Variants in TMED3 observed in about 807,000 individuals in gnomAD.
The protein encoded by TMED3 is transmembrane p24 trafficking protein 3, also known as transmembrane emp24 domain-containing protein 3.
In TMED3, 9 loss-of-function variants were observed where a neutral mutation model predicts 15.0. That is an observed-to-expected ratio of 0.60 (90% CI 0.36 to 1.04). TMED3 has a LOEUF of 1.04. Ranked by LOEUF, TMED3 falls within the 50% of genes least tolerant of loss-of-function variation. TMED3 has a pLI of 0.01. For missense variants in TMED3, 267 were observed against 278.9 expected, an observed-to-expected ratio of 0.96 and a Z score of 0.30; for synonymous variants, 117 against 121.4, an observed-to-expected ratio of 0.96 and a Z score of 0.24.
intron 2 of TMED3, among the ~76,000 whole-genome samples, chr15:79,369,091 CT>C (rs1196723756): frequency 3.0e-5 from 4 of 134,228 alleles, no homozygotes; most frequent in African/African-American, 1.2e-4. Flanking sequence ...GAGACTCTGT[CT>C]TAAAAAAAAA....
intron 2 of TMED3, among the ~76,000 whole-genome samples, chr15:79,397,407 C>T (rs544634995): frequency 8.5e-5 from 13 of 152,060 alleles, no homozygotes; most frequent in African/African-American, 2.4e-4. Flanking sequence ...CATGGAAAGA[C>T]GACAAACAGA....
intron 2 of TMED3, among the ~76,000 whole-genome samples, chr15:79,398,063 A>G (rs929859698): frequency 6.6e-6 from 1 of 152,210 alleles, no homozygotes; most frequent in Non-Finnish European, 1.5e-5. Context: ...GGACAAATGC[A>G]TAATGACATG....
Position 79,322,815 on chromosome 15 carries a change from G to T in TMED3, c.*601G>T, listed in dbSNP as rs368305819. 136 of 985,522 alleles carry T rather than the reference G, an allele frequency of 1.4e-4. No individual in the cohort carries two copies. In the African/African-American group the frequency reaches 2.2e-3, roughly 16 times the overall value. 61.0% of individuals were successfully genotyped at this position (985,522 alleles called of 1,614,324 possible). Reference sequence around the variant, plus strand: ...AGGTAGAAAACTGTGGGAAACTGTGGCTAATAAAAACTAAGTGTGAGCGTC... The same window carrying T: ...AGGTAGAAAACTGTGGGAAACTGTGTCTAATAAAAACTAAGTGTGAGCGTC... On this transcript the variant is annotated 3_prime_UTR_variant, in exon 3 of 3. Coordinates refer to ENST00000299705, the MANE Select transcript of TMED3 (RefSeq NM_007364.4).
chr15:79,361,187 A>T (rs1323832771), intron 2 of TMED3, among the ~76,000 whole-genome samples: 1 of 152,162 alleles, frequency 6.6e-6, no homozygotes. Flanking sequence ...TTTTTAACCA[A>T]TTCCAAGTGT....
At chr15:79,407,787 G>A (rs1478532663) in intron 2 of TMED3, among the ~76,000 whole-genome samples, 2 of 152,146 alleles carry the variant, frequency 1.3e-5, no homozygotes, top group Non-Finnish European at 2.9e-5. Context: ...GACAGGAAAC[G>A]TTTGCTCACG....
intron 2 of TMED3, chr15:79,383,217 C>A: frequency 1.7e-6 from 1 of 572,474 alleles, no homozygotes; most frequent in Non-Finnish European, 3.1e-6. Flanking sequence ...CTTCAGGGAC[C>A]ATCCAGCTAC....
intron 2 of TMED3, among the ~76,000 whole-genome samples, chr15:79,341,218 A>AAC (rs1555422370): frequency 1.5e-5 from 1 of 68,698 alleles, no homozygotes; most frequent in Non-Finnish European, 2.6e-5. Context: ...AAAAAAAAAA[A>AAC]GGTGAAGAAA....
intron 2 of TMED3, among the ~76,000 whole-genome samples, chr15:79,382,775 A>G (rs1421243216): frequency 6.6e-6 from 1 of 151,678 alleles, no homozygotes; most frequent in Admixed American, 6.6e-5. Flanking sequence ...CCTTCCTGCC[A>G]CTCCTCATCC....
downstream of TMED3, among the ~76,000 whole-genome samples, chr15:79,324,407 C>T (rs1422429604): frequency 6.6e-6 from 1 of 152,092 alleles, no homozygotes; most frequent in African/African-American, 2.4e-5. Context: ...TAATTTCAAA[C>T]AGAGTAATAC....
intron 2 of TMED3, among the ~76,000 whole-genome samples, chr15:79,346,294 C>T (rs956715987): frequency 3.3e-5 from 5 of 151,956 alleles, no homozygotes; most frequent in African/African-American, 4.8e-5. Flanking sequence ...ACTTTGTGTC[C>T]CCACCCAAAT....
At chr15:79,330,726 C>T (rs563586489) in intron 2 of TMED3, among the ~76,000 whole-genome samples, 10 of 152,132 alleles carry the variant, frequency 6.6e-5, no homozygotes, top group Non-Finnish European at 1.3e-4. Flanking sequence ...ATAGCCAACA[C>T]AATCCTGAGC....
intron 2 of TMED3, among the ~76,000 whole-genome samples, chr15:79,377,640 CG>C (rs1893450346): frequency 6.7e-6 from 1 of 148,948 alleles, no homozygotes; most frequent in African/African-American, 2.5e-5. Flanking sequence ...ATGAACAAAC[CG>C]TTCTTTTTTT....
intron 2 of TMED3, among the ~76,000 whole-genome samples, chr15:79,362,043 T>C (rs966356594): frequency 6.6e-6 from 1 of 152,114 alleles, no homozygotes; most frequent in Non-Finnish European, 1.5e-5. Context: ...TTGAAAGACA[T>C]TTTAGTTCCT....
chr15:79,412,952 GCCTAGCTTTGGCTC>G (rs2141262399), exon 3 of TMED3: 1 of 152,306 alleles, frequency 6.6e-6, no homozygotes, highest in East Asian at 1.9e-4. Flanking sequence ...GGAGTTGGAA[GCCTAGCTTTGGCTC>G]CCTGAAATTT....
chr15:79,383,077 G>A lies in TMED3; in HGVS notation c.418-28323G>A, dbSNP rs10163182. The stretch of plus-strand genomic sequence containing the variant: ...GTTTACCTCCTGTGCATGCTCCACG[G>A]GACATGGCTCTTTGCCTGTAGATCG... On this transcript the variant is annotated intron_variant, in intron 2 of 2. Transcript: ENST00000424155. The A allele has an allele frequency of 7.9e-3, 11,896 of 1,512,144 alleles. 556 individuals carry two copies. The African/African-American group carries it at 0.12, about 15-fold the overall frequency. The allele number at this position is 1,512,144 out of a possible 1,614,324, so 93.7% of individuals were successfully genotyped here. A position where few individuals can be genotyped will look rare whatever the true frequency, so the allele number is the denominator to read the frequency against.
chr15:79,313,739 T>A lies in TMED3; in HGVS notation c.169-18T>A. 6.2e-7 allele frequency: 1 copy of A among 1,604,744 alleles called. No individual in the cohort carries two copies. The highest frequency in any genetic ancestry group is 1.3e-5 in the African/African-American group (1 of 74,784). Reference sequence around the variant, plus strand: ...GTGGTTGCTCCTTTGATAACAGCAATTTTTTTATGGTTGTCAGGTCATCAC... The same window carrying A: ...GTGGTTGCTCCTTTGATAACAGCAAATTTTTTATGGTTGTCAGGTCATCAC... On this transcript the variant is annotated intron_variant, in intron 1 of 2. Coordinates refer to ENST00000299705, the MANE Select transcript of TMED3 (RefSeq NM_007364.4).
chr15:79,361,392 G>A (rs1027645354), intron 2 of TMED3, among the ~76,000 whole-genome samples: 8 of 152,054 alleles, frequency 5.3e-5, no homozygotes, highest in East Asian at 1.9e-4. Flanking sequence ...CAATATATAC[G>A]ATGGAACACT....
chr15:79,311,549 C>T lies in TMED3; in HGVS notation c.168+132C>T, dbSNP rs1028001886. On this transcript the variant is annotated intron_variant, in intron 1 of 2. Coordinates refer to ENST00000299705, the MANE Select transcript of TMED3 (RefSeq NM_007364.4). ...GGGAGGCTGCATGGGGTGGGAGTCC[C>T]CGGAGACCAGTTGACTTCCCCGTGA... The T allele has an allele frequency of 7.9e-6, 9 of 1,134,146 alleles. No homozygotes were observed. The African/African-American group carries it at 8.0e-5, about 10-fold the overall frequency. The allele number at this position is 1,134,146 out of a possible 1,614,324, so 70.3% of individuals were successfully genotyped here.
chr15:79,410,185 T>G (rs989677748), intron 2 of TMED3, among the ~76,000 whole-genome samples: 3 of 152,238 alleles, frequency 2.0e-5, no homozygotes, highest in Non-Finnish European at 2.9e-5. Flanking sequence ...TAATTCTATA[T>G]GCTTAGAATG....
Sources: gnomAD v4.1 joint callset for allele counts (sites outside exome capture counted in the v4.1 genomes callset) on GRCh38, gnomAD v4.1.1 for gene constraint, MANE v1.5 for transcripts, NCBI Gene and HGNC (gene_info 2026-07-23, HGNC 2026-07-21) for gene names.